HOOK2: variants seen among roughly 807,000 people sequenced by gnomAD.
The protein encoded by HOOK2 is protein Hook homolog 2.
A neutral mutation model predicts 111.9 loss-of-function variants in HOOK2; 108 were observed. The observed-to-expected ratio is 0.96, with a 90% CI of 0.83 to 1.13. The LOEUF (loss-of-function observed/expected upper bound fraction) is 1.13, where lower values mean the gene tolerates loss of function less well. Ranked by LOEUF, HOOK2 falls within the 50% of genes most tolerant of loss-of-function variation. HOOK2 has a pLI of 0.00. For missense variants in HOOK2, 978 were observed against 951.3 expected (o/e 1.03, Z -0.37); for synonymous variants, 405 against 394.3 (o/e 1.03, Z -0.32).
At chr19:12,779,129 G>A (rs1968570237), upstream of HOOK2, among the ~76,000 whole-genome samples, 1 of 152,238 alleles carries the variant, frequency 6.6e-6, no homozygotes, top group Non-Finnish European at 1.5e-5. Flanking sequence ...GTCTGGGCCA[G>A]CAGCCCCCAG....
intron 3 of HOOK2, chr19:12,784,406 C>T (rs537614565): frequency 6.6e-6 from 1 of 152,484 alleles, no homozygotes; most frequent in South Asian, 2.1e-4. Flanking sequence ...CAGACCAGAC[C>T]CTCAAGCAAG....
chr19:12,772,786 T>G lies in HOOK2; in HGVS notation c.382A>C (p.Lys128Gln). ...CCCCCTAAGCTCCCCATACCCTGCT[T>G]TTTCTCGCAACTGATGGCACAGCCC... ...VLGCAISCEK[K>Q]QDHIQRIMTL... Residue 128 changes from lysine (K) to glutamine (Q), a missense_variant, in exon 5 of 23, where the codon AAG becomes CAG. Transcript: ENST00000397668. 6.2e-7 allele frequency: 1 copy of G among 1,614,130 alleles called. No individual in the cohort carries two copies. The highest frequency in any genetic ancestry group is 1.3e-5 in the African/African-American group (1 of 75,070).
At chr19:12,774,281 T>C (rs1968427792) in intron 3 of HOOK2, 1 of 265,642 alleles carries the variant, frequency 3.8e-6, no homozygotes, top group African/African-American at 2.2e-5. Context: ...AATTTTTGTA[T>C]TTTTAGTAGA....
chr19:12,771,248 C>T lies in HOOK2; in HGVS notation c.672G>A (p.Arg224=). The stretch of plus-strand genomic sequence containing the variant: ...GACCTGGGGTACCCTCGCCTTCAGG[C>T]CGGCCCATCCGCTCCCGCAGCCCTG... ...ENAGLRERMG[R]PEGEGTPGLT... Residue 224 remains arginine, a synonymous_variant, in exon 9 of 23, where the codon CGG becomes CGA. Coordinates refer to ENST00000397668, the MANE Select transcript of HOOK2 (RefSeq NM_013312.3). The T allele has an allele frequency of 1.2e-6, 2 of 1,608,270 alleles. No homozygotes were observed. The highest frequency in any genetic ancestry group is 1.7e-6 in the Non-Finnish European group (2 of 1,177,294).
chr19:12,771,533 G>A (rs1968328579), intron 7 of HOOK2, 56 bp from the exon 8 acceptor site: 2 of 1,478,506 alleles, frequency 1.4e-6, no homozygotes, highest in East Asian at 2.4e-5. Context: ...ACGGGGGGAG[G>A]GAGGCTGAGA....
At position 12,763,203 on chromosome 19, in the gene HOOK2, G is replaced by A. The variant is rs1968046801; in HGVS notation, c.*79C>T. ...CCTCAAAGCTCTCGAGCACCTGGCTGAAGCCCAGTGCTGGGCGCCATGTGA... is the reference window on the plus strand; with the variant it reads ...CCTCAAAGCTCTCGAGCACCTGGCTAAAGCCCAGTGCTGGGCGCCATGTGA... On this transcript the variant is annotated 3_prime_UTR_variant, in exon 23 of 23. Coordinates refer to ENST00000397668, the MANE Select transcript of HOOK2 (RefSeq NM_013312.3). 6.6e-7 allele frequency: 1 copy of A among 1,514,148 alleles called. No homozygotes were observed. The highest frequency in any genetic ancestry group is 9.0e-7 in the Non-Finnish European group (1 of 1,114,830). 93.8% of individuals were successfully genotyped at this position (1,514,148 alleles called of 1,614,324 possible).
At chr19:12,792,317 C>T in intron 3 of HOOK2, 1 of 1,518,722 alleles carries the variant, frequency 6.6e-7, no homozygotes, top group South Asian at 1.2e-5. Context: ...CTCCCGTTTA[C>T]ACCAACCTCA....
chr19:12,766,198 G>GAA lies in HOOK2; in HGVS notation c.1415_1416insTT (p.Arg473SerfsTer34). On this transcript the variant is annotated frameshift_variant, in exon 15 of 23. Coordinates refer to ENST00000397668, the MANE Select transcript of HOOK2 (RefSeq NM_013312.3). LOFTEE classifies it high-confidence loss of function. ...GCTCCCGGTCGGCCGCCTCCTGCCT[G>GAA]CACAGCCGCTTGTTCTCCAGCTGAA... is the stretch of plus-strand genomic sequence containing the variant. 6.3e-7 allele frequency: 1 copy of GAA among 1,595,624 alleles called. No individual in the cohort carries two copies. Among genetic ancestry groups the GAA allele is most frequent in the Non-Finnish European group, 8.5e-7 (1 of 1,177,758 alleles).
chr19:12,768,843 G>T (rs751160747), intron 11 of HOOK2, among the ~76,000 whole-genome samples: 22 of 151,728 alleles, frequency 1.4e-4, no homozygotes, highest in Non-Finnish European at 2.8e-4. Flanking sequence ...TCTCAACCAG[G>T]CTGGAGTGCA....
At position 12,791,294 on chromosome 19, in the gene HOOK2, C is replaced by A. The variant is rs1040798001; in HGVS notation, n.42-17069G>T. Among the ~76,000 whole-genome samples, 1 of 152,202 alleles carries A rather than the reference C, an allele frequency of 6.6e-6. No homozygotes were observed. The highest frequency in any genetic ancestry group is 1.5e-5 in the Non-Finnish European group (1 of 68,032). ...CTTTGAGCCCCTCCCCCTGCAGCCC[C>A]GCCGAGCCACCCGGCCCGTGGCCGC... On this transcript the variant is annotated intron_variant and non_coding_transcript_variant, in intron 3 of 3. Transcript: ENST00000589765. The surrounding 1 kb of genome is among the most constrained non-coding windows in gnomAD (Gnocchi z 7.0).
Position 12,791,840 on chromosome 19 carries a change from C to T in HOOK2, n.42-17615G>A. 3 of 1,613,656 alleles carry T rather than the reference C, an allele frequency of 1.9e-6. No individual in the cohort carries two copies. The highest frequency in any genetic ancestry group is 2.5e-6 in the Non-Finnish European group (3 of 1,179,874). ...ACACAGCTACGGGATACGGCCGGGC[C>T]CCTGGTGGCCTCTCTCTACACGACT... is the stretch of plus-strand genomic sequence containing the variant. On this transcript the variant is annotated intron_variant and non_coding_transcript_variant, in intron 3 of 3. Coordinates refer to the HOOK2 transcript ENST00000589765. The surrounding 1 kb of genome is among the most constrained non-coding windows in gnomAD (Gnocchi z 7.0).
chr19:12,771,736 G>T lies in HOOK2; in HGVS notation c.520-259C>A, dbSNP rs1464007692. On this transcript the variant is annotated intron_variant, in intron 7 of 22. Coordinates refer to ENST00000397668, the MANE Select transcript of HOOK2 (RefSeq NM_013312.3). ...TTCTCTACTAAAAACACAAAAATTA[G>T]CCGGGTGTGGTGGCGTGTGCCTGTA... is the stretch of plus-strand genomic sequence containing the variant. 2.5e-5 allele frequency: 12 copies of T among 488,796 alleles called. No individual in the cohort carries two copies. The East Asian group carries it at 4.2e-4, about 17-fold the overall frequency. 30.3% of individuals were successfully genotyped at this position (488,796 alleles called of 1,614,324 possible). A position where few individuals can be genotyped will look rare whatever the true frequency, so the allele number is the denominator to read the frequency against.
chr19:12,767,944 G>A (rs761782657), intron 12 of HOOK2, 41 bp from the exon 13 acceptor site: 9 of 1,610,550 alleles, frequency 5.6e-6, no homozygotes, highest in Middle Eastern at 1.7e-4. Flanking sequence ...GGTCAGGCTC[G>A]GCCTCCTGGG....
At chr19:12,775,286 C>A in intron 1 of HOOK2, 119 bp downstream of exon 1, 1 of 1,487,354 alleles carries the variant, frequency 6.7e-7, no homozygotes, top group South Asian at 1.3e-5. Context: ...AACGGTCCAG[C>A]AAGTCGACGA....
chr19:12,768,984 G>A (rs1384983240), intron 11 of HOOK2, among the ~76,000 whole-genome samples: 3 of 124,110 alleles, frequency 2.4e-5, no homozygotes, highest in Non-Finnish European at 5.0e-5. Flanking sequence ...TTTTTTTTTC[G>A]AGACGGAGTC....
In HOOK2 at chr19:12,767,831, C is replaced by T. The variant is rs201650115; in HGVS notation, c.1288G>A (p.Gly430Arg). Residue 430 changes from glycine (G) to arginine (R), a missense_variant, in exon 13 of 23, where the codon GGG becomes AGG. By Grantham distance (125) the Gly-to-Arg change is moderately radical. Coordinates refer to ENST00000397668, the MANE Select transcript of HOOK2 (RefSeq NM_013312.3). ...ELRCAQLQPR[G>R]LTQADPSLDP... is the part of the protein sequence containing the mutation. ...TTCATCTCACCGGCCTGGGTCAACC[C>T]CCGCGGCTGCAGCTGGGCGCAGCGC... 2 of 1,603,168 alleles carry T rather than the reference C, an allele frequency of 1.2e-6. No homozygotes were observed. Among genetic ancestry groups the T allele is most frequent in the Non-Finnish European group, 1.7e-6 (2 of 1,179,898 alleles).
intron 18 of HOOK2, 140 bp from the exon 19 acceptor site, chr19:12,765,221 G>A: frequency 1.3e-6 from 1 of 774,052 alleles, no homozygotes; most frequent in Admixed American, 2.2e-5. Context: ...CCTCATGCCT[G>A]GGGCTGTGTG....
rs1968309656 is a variant in HOOK2 at position 12,770,950 on chromosome 19, T to C, written c.884A>G (p.Asp295Gly). ...SLAQEAQALK[D>G]EMDELRQSSE... ...CACTCACCGTAGTTCATCCATCTCA[T>C]CCTTCAGGGCCTGTGCCTCCTGGGC... The change falls in exon 10 of 23, where the codon GAT becomes GGT. Residue 295 changes from aspartate to glycine, a missense_variant. Around this residue, in one of 5 missense-constraint regions of HOOK2, gnomAD observed 388 missense variants for 358.3 expected, o/e 1.08. Transcript: ENST00000397668. The C allele has an allele frequency of 6.2e-7, 1 of 1,604,704 alleles. No individual in the cohort carries two copies. Among genetic ancestry groups the C allele is most frequent in the Non-Finnish European group, 8.5e-7 (1 of 1,173,850 alleles).
chr19:12,791,644 G>C lies in HOOK2; in HGVS notation n.42-17419C>G. 1.6e-6 allele frequency: 1 copy of C among 634,066 alleles called. No individual in the cohort carries two copies. Among genetic ancestry groups the C allele is most frequent in the Non-Finnish European group, 2.5e-6 (1 of 397,156 alleles). 39.3% of individuals were successfully genotyped at this position (634,066 alleles called of 1,614,324 possible). ...GCTGCCGGCTGGCTGCTACCCGCCC[G>C]CGCCAGCCCCCGAGAACGCGCGACC... On this transcript the variant is annotated intron_variant and non_coding_transcript_variant, in intron 3 of 3. Transcript: ENST00000589765. This position sits in a 1 kb window ranked among gnomAD's most constrained non-coding sequence, Gnocchi z 7.0.
Sources: gnomAD v4.1 joint callset for allele counts (sites outside exome capture counted in the v4.1 genomes callset) on GRCh38, gnomAD v4.1.1 for gene constraint, gnomAD v4.1.1 regional missense constraint, Gnocchi (gnomAD v3.1) non-coding constraint, MANE v1.5 for transcripts, NCBI Gene and HGNC (gene_info 2026-07-23, HGNC 2026-07-21) for gene names.